NCAM2: variants seen among roughly 807,000 people sequenced by gnomAD.
NCAM2 encodes N-CAM-2.
In NCAM2, 30 loss-of-function variants were observed where a neutral mutation model predicts 98.1. The observed-to-expected ratio is 0.31, with a 90% confidence interval of 0.23 to 0.41. The LOEUF (loss-of-function observed/expected upper bound fraction) is 0.41, where lower values mean the gene tolerates loss of function less well. Ranked by LOEUF, NCAM2 falls within the 10% of genes least tolerant of loss-of-function variation. The pLI is 1.00. For missense variants in NCAM2, 867 were observed against 1,005.8 expected, an observed-to-expected ratio of 0.86 and a Z score of 1.87; for synonymous variants, 368 against 342.4, an observed-to-expected ratio of 1.07 and a Z score of -0.83.
intron 16 of NCAM2, among the ~76,000 whole-genome samples, chr21:21,524,663 A>G (rs187555642): frequency 2.0e-5 from 3 of 152,276 alleles, no homozygotes; most frequent in African/African-American, 7.2e-5. Flanking sequence ...AGTTCAATCA[A>G]CTATATATGT....
chr21:21,202,915 TTCA>T (rs992847358), intron 1 of NCAM2, among the ~76,000 whole-genome samples: 3 of 152,122 alleles, frequency 2.0e-5, no homozygotes, highest in Non-Finnish European at 2.9e-5. Context: ...GGACATATAT[TTCA>T]TCATATTTTT....
intron 1 of NCAM2, among the ~76,000 whole-genome samples, chr21:21,109,696 A>G (rs1241962732): frequency 6.6e-6 from 1 of 152,166 alleles, no homozygotes; most frequent in African/African-American, 2.4e-5. Flanking sequence ...TTGTAAATAT[A>G]TAGTCAAACT....
At chr21:21,523,793 A>C (rs1227719370) in intron 16 of NCAM2, among the ~76,000 whole-genome samples, 2 of 152,108 alleles carry the variant, frequency 1.3e-5, no homozygotes, top group East Asian at 3.9e-4. Context: ...GATAACTGAT[A>C]TACTAAGGAA....
intron 9 of NCAM2, among the ~76,000 whole-genome samples, chr21:21,375,782 A>G (rs1158281188): frequency 6.6e-6 from 1 of 151,716 alleles, no homozygotes; most frequent in Non-Finnish European, 1.5e-5. Context: ...GATATGATTT[A>G]TATGAGACCT....
chr21:21,404,928 C>G (rs1268090561), intron 9 of NCAM2, among the ~76,000 whole-genome samples: 2 of 151,416 alleles, frequency 1.3e-5, no homozygotes, highest in Non-Finnish European at 2.9e-5. Context: ...AATTAAAACT[C>G]TAAGGGTTTT....
At chr21:21,517,725 G>T (rs1340043903) in intron 16 of NCAM2, among the ~76,000 whole-genome samples, 2 of 152,094 alleles carry the variant, frequency 1.3e-5, no homozygotes, top group African/African-American at 4.8e-5. Flanking sequence ...TGGCGTGGTG[G>T]TGCATGCCTG....
Position 21,206,040 on chromosome 21 carries a change from G to A in NCAM2, c.56-74538G>A, listed in dbSNP as rs555904589. 2.6e-5 allele frequency among the ~76,000 whole-genome samples: 4 copies of A among 152,252 alleles called. No individual in the cohort carries two copies. In the Middle Eastern group the frequency reaches 0.01, roughly 388 times the overall value. On this transcript the variant is annotated intron_variant, in intron 1 of 17. Transcript: ENST00000400546. Reference sequence around the variant, plus strand: ...TTAAGGGGACCCAAACATTCAGATTGTAGCAGTACTCTTAGCAACTTATTC... The same window carrying A: ...TTAAGGGGACCCAAACATTCAGATTATAGCAGTACTCTTAGCAACTTATTC...
chr21:21,052,164 T>C (rs1174398486), intron 1 of NCAM2, among the ~76,000 whole-genome samples: 3 of 142,356 alleles, frequency 2.1e-5, no homozygotes, highest in Admixed American at 7.1e-5. Context: ...TTTTTTTTTT[T>C]TTTTTTTTTT....
In NCAM2 at chr21:21,324,218, G is replaced by T. The variant is rs1601975842; in HGVS notation, c.620-165G>T. Among the ~76,000 whole-genome samples, 4 of 152,182 alleles carry T rather than the reference G, an allele frequency of 2.6e-5. No homozygotes were observed. The South Asian group carries it at 8.3e-4, about 32-fold the overall frequency. ...TAAAAATAAAATAAAAAAGAACGCA[G>T]ATCAGTGATAAAGTTATTTTACTGT... On this transcript the variant is annotated intron_variant, in intron 5 of 17. Coordinates refer to ENST00000400546, the MANE Select transcript of NCAM2 (RefSeq NM_004540.5).
chr21:21,496,606 C>G (rs902208792), intron 15 of NCAM2, among the ~76,000 whole-genome samples: 1 of 152,034 alleles, frequency 6.6e-6, no homozygotes. Context: ...TACAGAAGCT[C>G]TTTAGTTGAA....
intron 1 of NCAM2, among the ~76,000 whole-genome samples, chr21:21,113,076 C>G (rs1261808705): frequency 1.3e-5 from 2 of 152,066 alleles, no homozygotes; most frequent in African/African-American, 4.8e-5. Context: ...AAGACATATA[C>G]CAGTGGTTCT....
chr21:21,081,298 C>G (rs1341102699), intron 1 of NCAM2, among the ~76,000 whole-genome samples: 1 of 152,150 alleles, frequency 6.6e-6, no homozygotes, highest in Non-Finnish European at 1.5e-5. Context: ...CGGGAAGCTA[C>G]TGAGTTTCAG....
At chr21:21,496,054 C>T (rs1987211973) in intron 15 of NCAM2, among the ~76,000 whole-genome samples, 1 of 149,450 alleles carries the variant, frequency 6.7e-6, no homozygotes, top group South Asian at 2.1e-4. Context: ...TGCCCTTTAA[C>T]AAAGTACAGC....
intron 5 of NCAM2, among the ~76,000 whole-genome samples, chr21:21,317,605 T>C (rs1436087872): frequency 6.6e-6 from 1 of 152,090 alleles, no homozygotes; most frequent in Non-Finnish European, 1.5e-5. Flanking sequence ...CAATCACAGG[T>C]CACTACAACC....
At chr21:21,492,982 G>A (rs563621100) in intron 15 of NCAM2, among the ~76,000 whole-genome samples, 3 of 152,016 alleles carry the variant, frequency 2.0e-5, no homozygotes, top group Admixed American at 6.6e-5. Context: ...TGTATGTAAT[G>A]TGAAGTGCAA....
chr21:21,287,681 A>G (rs940149799), intron 4 of NCAM2, among the ~76,000 whole-genome samples: 1 of 151,932 alleles, frequency 6.6e-6, no homozygotes, highest in Non-Finnish European at 1.5e-5. Flanking sequence ...TTAAAAGTCA[A>G]ATAGAGCAAA....
At chr21:21,475,637 C>A (rs1230212858) in intron 14 of NCAM2, among the ~76,000 whole-genome samples, 1 of 152,150 alleles carries the variant, frequency 6.6e-6, no homozygotes, top group Non-Finnish European at 1.5e-5. Flanking sequence ...GTTCATACAT[C>A]TCATAATACT....
At chr21:21,006,956 T>G (rs2064123843) in intron 1 of NCAM2, among the ~76,000 whole-genome samples, 1 of 152,194 alleles carries the variant, frequency 6.6e-6, no homozygotes, top group African/African-American at 2.4e-5. Context: ...GTATTGTAAT[T>G]AAGACTTTTA....
intron 1 of NCAM2, among the ~76,000 whole-genome samples, chr21:21,261,046 G>A (rs971967968): frequency 8.6e-5 from 13 of 151,804 alleles, no homozygotes; most frequent in African/African-American, 2.4e-4. Context: ...AAAAGAACAA[G>A]GGATACTCTT....
Sources: gnomAD v4.1 joint callset for allele counts (sites outside exome capture counted in the v4.1 genomes callset) on GRCh38, gnomAD v4.1.1 for gene constraint, MANE v1.5 for transcripts, NCBI Gene and HGNC (gene_info 2026-07-23, HGNC 2026-07-21) for gene names.